Variants in DSE observed in about 807,000 individuals in gnomAD.
The protein encoded by DSE is dermatan sulfate epimerase.
DSE carries 36 observed loss-of-function variants against 84.4 expected under a neutral mutation model. The ratio of observed to expected loss-of-function variants is 0.43; its 90% confidence interval spans 0.33 to 0.56. DSE has a LOEUF of 0.56. DSE is among the 20% of genes least tolerant of loss of function. The probability of loss-of-function intolerance (pLI) is 0.06; values close to 1 mark genes in which losing one functional copy is unlikely to be tolerated. For missense variants in DSE, 862 were observed against 1,169.6 expected (o/e 0.74, Z 3.84); for synonymous variants, 410 against 430.1 (o/e 0.95, Z 0.58).
intron 2 of DSE, among the ~76,000 whole-genome samples, chr6:116,402,395 T>C (rs747710492): frequency 1.3e-4 from 20 of 152,198 alleles, no homozygotes; most frequent in Non-Finnish European, 2.9e-4. Context: ...TCCAGATTAA[T>C]TTTCTTAATT....
At chr6:116,289,224 AG>A (rs1159197784) in intron 2 of DSE, among the ~76,000 whole-genome samples, 1 of 152,048 alleles carries the variant, frequency 6.6e-6, no homozygotes, top group East Asian at 1.9e-4. Flanking sequence ...ATTTTTAGTA[AG>A]GTAAAATGGT....
chr6:116,316,244 A>C (rs1775971938), intron 2 of DSE, among the ~76,000 whole-genome samples: 1 of 152,344 alleles, frequency 6.6e-6, no homozygotes, highest in Non-Finnish European at 1.5e-5. Context: ...GGAAGATAGT[A>C]GGAGCAGAGC....
intron 2 of DSE, among the ~76,000 whole-genome samples, chr6:116,344,893 A>T (rs1380944511): frequency 6.6e-6 from 1 of 152,110 alleles, no homozygotes; most frequent in Admixed American, 6.5e-5. Flanking sequence ...TCATGTGCAG[A>T]GACACACATA....
chr6:116,383,833 T>C (rs1192787286), intron 1 of DSE, among the ~76,000 whole-genome samples: 1 of 152,234 alleles, frequency 6.6e-6, no homozygotes, highest in Admixed American at 6.5e-5. Flanking sequence ...TTCTACATAA[T>C]ATATGTAGTC....
intron 2 of DSE, among the ~76,000 whole-genome samples, chr6:116,347,946 G>A (rs182854880): frequency 1.2e-4 from 18 of 152,102 alleles, no homozygotes; most frequent in Non-Finnish European, 1.8e-4. Context: ...ACAAATTTAT[G>A]AGAAATAAAT....
chr6:116,408,000 AT>A (rs1167861379), intron 2 of DSE, among the ~76,000 whole-genome samples: 1 of 152,196 alleles, frequency 6.6e-6, no homozygotes, highest in Non-Finnish European at 1.5e-5. Flanking sequence ...CTACAGACTG[AT>A]TTATACCTTG....
intron 4 of DSE, chr6:116,432,653 A>G (rs576032985): frequency 3.3e-5 from 5 of 150,732 alleles, no homozygotes; most frequent in African/African-American, 9.8e-5. Context: ...TCTAGTAGCA[A>G]TTTTTTTGTC....
At chr6:116,260,104 C>G (rs2114594438) in intron 2 of DSE, among the ~76,000 whole-genome samples, 1 of 152,298 alleles carries the variant, frequency 6.6e-6, no homozygotes, top group African/African-American at 2.4e-5. Context: ...CTACTCCCAC[C>G]AACAGTGTAT....
intron 2 of DSE, among the ~76,000 whole-genome samples, chr6:116,275,891 A>G (rs1773118465): frequency 1.3e-5 from 2 of 152,188 alleles, no homozygotes; most frequent in Non-Finnish European, 2.9e-5. Context: ...TGAGAGGAAA[A>G]GAGTGAACAT....
chr6:116,298,038 A>G (rs942276692), intron 2 of DSE, among the ~76,000 whole-genome samples: 1 of 152,210 alleles, frequency 6.6e-6, no homozygotes, highest in South Asian at 2.1e-4. Context: ...GCCCTGGGGT[A>G]AGAAATATTT....
At chr6:116,291,781 A>G (rs1009618911) in intron 2 of DSE, among the ~76,000 whole-genome samples, 1 of 152,146 alleles carries the variant, frequency 6.6e-6, no homozygotes, top group African/African-American at 2.4e-5. Context: ...GTAGATGAGG[A>G]TATCTTTAGG....
intron 2 of DSE, among the ~76,000 whole-genome samples, chr6:116,421,676 A>G (rs1783104778): frequency 6.6e-6 from 1 of 151,534 alleles, no homozygotes; most frequent in African/African-American, 2.4e-5. Flanking sequence ...CAGTTTTGCT[A>G]TGTGGAACTC....
At chr6:116,299,425 A>C (rs529155928) in intron 2 of DSE, among the ~76,000 whole-genome samples, 2 of 150,754 alleles carry the variant, frequency 1.3e-5, no homozygotes, top group African/African-American at 4.9e-5. Context: ...GAAAGCTATA[A>C]GGGAAGAAAG....
At chr6:116,389,060 TTCC>T (rs1159592383) in intron 1 of DSE, among the ~76,000 whole-genome samples, 1 of 152,220 alleles carries the variant, frequency 6.6e-6, no homozygotes, top group Non-Finnish European at 1.5e-5. Flanking sequence ...TTGTGAGCGT[TTCC>T]TCCTGGGGTC....
chr6:116,436,334 T>C lies in DSE; in HGVS notation c.1866T>C (p.Thr622=). 6.2e-7 allele frequency: 1 copy of C among 1,614,196 alleles called. No individual in the cohort carries two copies. Among genetic ancestry groups the C allele is most frequent in the African/African-American group, 1.3e-5 (1 of 75,060 alleles). The change falls in exon 6 of 6, where the codon ACT becomes ACC. Residue 622 remains threonine (T), a synonymous_variant. Transcript: ENST00000644252. ...ATAAAATGTACTGGATGGACGATAC[T>C]GGCTACAGCGAGAAAGCAACCTTTG... ...GLYKMYWMDD[T]GYSEKATFAS...
intron 2 of DSE, among the ~76,000 whole-genome samples, chr6:116,344,166 C>T (rs1324244493): frequency 6.6e-6 from 1 of 152,182 alleles, no homozygotes; most frequent in African/African-American, 2.4e-5. Flanking sequence ...GATTGGCATA[C>T]CTGAAAGTGA....
chr6:116,350,708 T>C (rs1352260984), intron 2 of DSE, among the ~76,000 whole-genome samples: 1 of 152,174 alleles, frequency 6.6e-6, no homozygotes, highest in Non-Finnish European at 1.5e-5. Context: ...TCTCTAAATG[T>C]CAGGCAAGTC....
intron 2 of DSE, among the ~76,000 whole-genome samples, chr6:116,284,050 C>T (rs1366070510): frequency 6.6e-6 from 1 of 152,108 alleles, no homozygotes; most frequent in African/African-American, 2.4e-5. Context: ...TGACAATAAA[C>T]TTCACTACCC....
At chr6:116,313,455 AT>A in intron 2 of DSE, among the ~76,000 whole-genome samples, 1 of 152,372 alleles carries the variant, frequency 6.6e-6, no homozygotes, top group South Asian at 2.1e-4. Flanking sequence ...TTTATGGAAC[AT>A]TTGGTAAATT....
Sources: allele counts gnomAD v4.1 joint callset (sites outside exome capture counted in the v4.1 genomes callset), GRCh38; gene constraint gnomAD v4.1.1; transcripts MANE v1.5; gene names NCBI Gene and HGNC (gene_info 2026-07-23, HGNC 2026-07-21).